Variants in EFCAB8 observed in about 807,000 individuals in gnomAD.
The protein encoded by EFCAB8 is EF-hand calcium binding domain 8.
EFCAB8 carries 100 observed loss-of-function variants against 116.3 expected under a neutral mutation model. The ratio of observed to expected loss-of-function variants is 0.86; its 90% CI spans 0.73 to 1.02. EFCAB8 has a LOEUF of 1.02. Ranked by LOEUF, EFCAB8 falls within the 50% of genes least tolerant of loss-of-function variation. The pLI is 0.00. For synonymous variants in EFCAB8, 558 were observed against 567.9 expected (o/e 0.98, Z 0.25); for missense variants, 1,320 against 1,416.9 (o/e 0.93, Z 1.10).
At chr20:32,869,461 C>T (rs146947174) in intron 3 of EFCAB8, among the ~76,000 whole-genome samples, 3 of 152,284 alleles carry the variant, frequency 2.0e-5, no homozygotes, top group African/African-American at 4.8e-5. Flanking sequence ...GTCTCGAGCT[C>T]CCGACCTCAG....
chr20:32,935,161 C>G (rs549041582), intron 22 of EFCAB8, among the ~76,000 whole-genome samples: 2 of 119,554 alleles, frequency 1.7e-5, no homozygotes, highest in African/African-American at 3.3e-5. Context: ...TCCATTTTCT[C>G]TTCTCTTCTC....
intron 5 of EFCAB8, 52 bp downstream of exon 5, chr20:32,878,859 G>T: frequency 1.4e-6 from 2 of 1,476,024 alleles, no homozygotes; most frequent in Non-Finnish European, 1.9e-6. Flanking sequence ...GACAAGTGCT[G>T]GTGCCAGCCT....
intron 2 of EFCAB8, 81 bp downstream of exon 2, chr20:32,863,915 ATAGGTGTT>A (rs1364923662): frequency 6.8e-7 from 1 of 1,473,246 alleles, no homozygotes; most frequent in Non-Finnish European, 9.2e-7. Context: ...GCATGGAAGT[ATAGGTGTT>A]TCTGCATCGG....
intron 11 of EFCAB8, among the ~76,000 whole-genome samples, chr20:32,903,019 C>G (rs1316089011): frequency 3.3e-5 from 5 of 152,226 alleles, no homozygotes; most frequent in Non-Finnish European, 7.3e-5. Flanking sequence ...CCCTGGCCCT[C>G]TTAGCAGCCT....
chr20:32,911,459 C>A, intron 15 of EFCAB8, 21 bp from the exon 16 acceptor site: 1 of 1,457,616 alleles, frequency 6.9e-7, no homozygotes, highest in Non-Finnish European at 9.1e-7. Flanking sequence ...CCAGCAGCCC[C>A]CAGCTGTGTG....
At chr20:32,870,093 T>C (rs1984614334) in intron 3 of EFCAB8, among the ~76,000 whole-genome samples, 1 of 152,208 alleles carries the variant, frequency 6.6e-6, no homozygotes, top group Admixed American at 6.5e-5. Context: ...TGAATTTCTT[T>C]TGAGATTTAC....
chr20:32,918,490 C>G lies in EFCAB8; in HGVS notation c.2190C>G (p.Thr730=), dbSNP rs1182664475. ...SSLSPESVAN[T]NLRRSLVSAP... is the part of the protein sequence containing the mutation. ...TCAGCCCCGAGTCTGTGGCCAATAC[C>G]AACCTGAGGCGGAGCCTGGTGTCGG... is the stretch of plus-strand genomic sequence containing the variant. The change falls in exon 19 of 27, where the codon ACC becomes ACG. Residue 730 remains threonine, a synonymous_variant. Transcript: ENST00000400522. The G allele has an allele frequency of 1.3e-6, 2 of 1,551,738 alleles. No individual in the cohort carries two copies. Among genetic ancestry groups the G allele is most frequent in the East Asian group, 2.4e-5 (1 of 40,914 alleles).
At chr20:32,932,307 G>T (rs552975125) in intron 22 of EFCAB8, among the ~76,000 whole-genome samples, 6 of 152,220 alleles carry the variant, frequency 3.9e-5, no homozygotes, top group Admixed American at 6.5e-5. Flanking sequence ...AACCCGGGAG[G>T]TGGAGGTTGC....
At chr20:32,886,942 C>T (rs760663072) in intron 6 of EFCAB8, among the ~76,000 whole-genome samples, 4 of 152,152 alleles carry the variant, frequency 2.6e-5, no homozygotes, top group Non-Finnish European at 4.4e-5. Context: ...CCCTAGGGCT[C>T]TTGGTTTCTC....
chr20:32,861,012 C>G (rs996046447), intron 1 of EFCAB8, among the ~76,000 whole-genome samples: 2 of 152,008 alleles, frequency 1.3e-5, no homozygotes, highest in Non-Finnish European at 2.9e-5. Context: ...GTTGGCATTA[C>G]AGGTATGAGC....
chr20:32,887,200 C>T (rs1348167252), intron 6 of EFCAB8, among the ~76,000 whole-genome samples: 1 of 152,228 alleles, frequency 6.6e-6, no homozygotes, highest in Non-Finnish European at 1.5e-5. Context: ...GGTTTACGCT[C>T]CTCCCTGCTC....
chr20:32,925,994 G>GGCCACCATTCTGACTGT (rs1254611579), intron 20 of EFCAB8, among the ~76,000 whole-genome samples: 6 of 152,196 alleles, frequency 3.9e-5, no homozygotes, highest in Non-Finnish European at 8.8e-5. Flanking sequence ...TCCTGCCTAG[G>GGCCACCATTCTGACTGT]GCCACCATTC....
chr20:32,883,348 C>T (rs1472430039), intron 5 of EFCAB8, among the ~76,000 whole-genome samples: 3 of 152,134 alleles, frequency 2.0e-5, no homozygotes, highest in Admixed American at 6.6e-5. Flanking sequence ...TGCCGGGAGG[C>T]GCTTACAGGC....
At chr20:32,904,778 C>A (rs1217397346) in intron 11 of EFCAB8, among the ~76,000 whole-genome samples, 1 of 151,942 alleles carries the variant, frequency 6.6e-6, no homozygotes. Flanking sequence ...AGGCACATAC[C>A]ACTATGCCTG....
chr20:32,899,111 C>T (rs968952861), intron 11 of EFCAB8, among the ~76,000 whole-genome samples: 8 of 152,036 alleles, frequency 5.3e-5, no homozygotes, highest in East Asian at 1.9e-4. Flanking sequence ...AGTCACCGGG[C>T]GCGGTGGCTC....
rs1238410810 is a variant in EFCAB8, at chr20:32,912,852, T to TC, written c.1845dup (p.Thr616HisfsTer63). ...TATGTGACAGGATGGAGTAAGAGAA[T>TC]CACTCATTTCCTGTGAGTAGAAAGC... On this transcript the variant is annotated frameshift_variant, in exon 17 of 27. Transcript: ENST00000400522. LOFTEE classifies it high-confidence loss of function. 1 of 718,880 alleles carries TC rather than the reference T, an allele frequency of 1.4e-6. No individual in the cohort carries two copies. The highest frequency in any genetic ancestry group is 2.6e-6 in the Non-Finnish European group (1 of 385,168). 44.5% of individuals were successfully genotyped at this position (718,880 alleles called of 1,614,324 possible).
intron 22 of EFCAB8, among the ~76,000 whole-genome samples, chr20:32,934,863 T>C (rs932885575): frequency 6.6e-6 from 1 of 152,190 alleles, no homozygotes; most frequent in Admixed American, 6.5e-5. Context: ...CTTTATAAAT[T>C]ACCCAGTCTC....
chr20:32,941,338 T>A (rs1342975116), intron 22 of EFCAB8, among the ~76,000 whole-genome samples: 1 of 148,922 alleles, frequency 6.7e-6, no homozygotes, highest in East Asian at 1.9e-4. Context: ...AAATTAAGTG[T>A]AGACTTACCA....
chr20:32,893,882 C>T (rs1448646062), intron 9 of EFCAB8, among the ~76,000 whole-genome samples: 1 of 152,092 alleles, frequency 6.6e-6, no homozygotes, highest in African/African-American at 2.4e-5. Context: ...CTGCTGCAGC[C>T]CATAATAAGA....
Sources: gnomAD v4.1 joint callset for allele counts (sites outside exome capture counted in the v4.1 genomes callset) on GRCh38, gnomAD v4.1.1 for gene constraint, MANE v1.5 for transcripts, NCBI Gene and HGNC (gene_info 2026-07-23, HGNC 2026-07-21) for gene names.